USP33: variants seen among roughly 807,000 people sequenced by gnomAD.
USP33 encodes ubiquitin carboxyl-terminal hydrolase 33.
A neutral mutation model predicts 124.2 loss-of-function variants in USP33; 46 were observed. The observed-to-expected ratio is 0.37, with a 90% CI of 0.29 to 0.47. The LOEUF (loss-of-function observed/expected upper bound fraction) is 0.47, where lower values mean the gene tolerates loss of function less well. Among genes scored for constraint, USP33 ranks in the 20% least tolerant of loss-of-function variants. The probability of loss-of-function intolerance (pLI) is 0.99; values close to 1 mark genes in which losing one functional copy is unlikely to be tolerated. For missense variants in USP33, 851 were observed against 1,070.6 expected (o/e 0.79, Z 2.86); for synonymous variants, 350 against 352.3 (o/e 0.99, Z 0.07).
chr1:77,738,394 C>T (rs1678724043), intron 5 of USP33, among the ~76,000 whole-genome samples: 1 of 152,168 alleles, frequency 6.6e-6, no homozygotes, highest in African/African-American at 2.4e-5. Flanking sequence ...TTTTCTATGA[C>T]TTTAAGAATT....
Position 77,708,018 on chromosome 1 carries a change from A to G in USP33, c.2406+3729T>C, listed in dbSNP as rs943110020. ...TGGTGGGACTTTGGGTCTCCCAAAT[A>G]TGGGGAAAGGGCAAATGCAACACAT... On this transcript the variant is annotated intron_variant, in intron 21 of 23. Coordinates refer to ENST00000370794, the MANE Select transcript of USP33 (RefSeq NM_201624.3). Among the ~76,000 whole-genome samples the G allele has an allele frequency of 8.5e-5, 13 of 152,336 alleles. No homozygotes were observed. In the East Asian group the frequency reaches 2.3e-3, roughly 27 times the overall value.
rs572604208 is a variant in USP33 at position 77,749,533 on chromosome 1, C to G, written c.-51-7785G>C. 7.2e-5 allele frequency among the ~76,000 whole-genome samples: 11 copies of G among 152,174 alleles called. No homozygotes were observed. In the South Asian group the frequency reaches 2.3e-3, roughly 32 times the overall value. On this transcript the variant is annotated intron_variant, in intron 1 of 23. Transcript: ENST00000370794. ...AATAGCTGGGACTACAGGCGTGTGC[C>G]ACCACGACTGGCTAATTTTTGTATT...
At chr1:77,697,643 T>A in intron 23 of USP33, 169 bp from the exon 24 acceptor site, 1 of 934,066 alleles carries the variant, frequency 1.1e-6, no homozygotes, top group East Asian at 2.7e-5. Flanking sequence ...ATATGGCTTG[T>A]CTTAAAAAGT....
chr1:77,728,800 T>C, intron 9 of USP33, 88 bp from the exon 10 acceptor site: 3 of 1,396,270 alleles, frequency 2.1e-6, no homozygotes, highest in Non-Finnish European at 2.9e-6. Context: ...CATTACAAAC[T>C]TATATATGAA....
chr1:77,749,112 T>G (rs2101594569), intron 1 of USP33, among the ~76,000 whole-genome samples: 1 of 152,348 alleles, frequency 6.6e-6, no homozygotes, highest in East Asian at 1.9e-4. Flanking sequence ...CAGTATAGCA[T>G]TACATGTATA....
chr1:77,725,823 A>T, intron 10 of USP33, 61 bp from the exon 11 acceptor site: 3 of 1,429,564 alleles, frequency 2.1e-6, no homozygotes, highest in Non-Finnish European at 2.8e-6. Flanking sequence ...ACTGTCCAAT[A>T]ATGTTAAAGG....
chr1:77,736,126 T>A lies in USP33; in HGVS notation c.384A>T (p.Lys128Asn). 1 of 1,613,200 alleles carries A rather than the reference T, an allele frequency of 6.2e-7. No homozygotes were observed. Among genetic ancestry groups the A allele is most frequent in the Non-Finnish European group, 8.5e-7 (1 of 1,179,606 alleles). The change falls in exon 6 of 24, where the codon AAA becomes AAT. Residue 128 changes from lysine to asparagine, a missense_variant. Around this residue, in one of 4 missense-constraint regions of USP33, gnomAD observed 221 missense variants for 302.9 expected, o/e 0.73. Coordinates refer to ENST00000370794, the MANE Select transcript of USP33 (RefSeq NM_201624.3). ...DFKIPSNTTL[K>N]TPLVAVFDDL... ...CATCAAATACGGCAACCAGAGGAGTTTTTAATGTTGTATTACTGGGTATTT... is the reference window on the plus strand; with the variant it reads ...CATCAAATACGGCAACCAGAGGAGTATTTAATGTTGTATTACTGGGTATTT...
chr1:77,722,278 T>A (rs1570780304), intron 12 of USP33, 82 bp from the exon 13 acceptor site: 5 of 1,267,416 alleles, frequency 3.9e-6, no homozygotes, highest in Non-Finnish European at 5.3e-6. Flanking sequence ...ACTCTAAAGA[T>A]CAAAGCATGT....
At chr1:77,723,522 A>C in intron 11 of USP33, 79 bp from the exon 12 acceptor site, 2 of 933,920 alleles carry the variant, frequency 2.1e-6, no homozygotes, top group Non-Finnish European at 3.2e-6. Flanking sequence ...TGTCTTGTCA[A>C]TCTTACTTGT....
At chr1:77,733,765 C>T (rs1389448440) in intron 7 of USP33, among the ~76,000 whole-genome samples, 1 of 152,090 alleles carries the variant, frequency 6.6e-6, no homozygotes, top group African/African-American at 2.4e-5. Flanking sequence ...CTTCTGATTC[C>T]CAGCATTTCA....
At chr1:77,742,320 G>A (rs76315786) in intron 1 of USP33, among the ~76,000 whole-genome samples, 1,883 of 152,086 alleles carry the variant, frequency 0.012, 33 homozygotes, top group African/African-American at 0.04. Context: ...ATAATTCTTC[G>A]CTGTGAGGGA....
chr1:77,714,844 AT>A, intron 18 of USP33, 61 bp from the exon 19 acceptor site: 1 of 1,547,456 alleles, frequency 6.5e-7, no homozygotes, highest in South Asian at 1.2e-5. Context: ...TAGTAGATGG[AT>A]TTTTCTTCTT....
intron 7 of USP33, among the ~76,000 whole-genome samples, chr1:77,732,163 G>A (rs534174657): frequency 4.0e-5 from 6 of 149,924 alleles, no homozygotes; most frequent in East Asian, 2.0e-4. Context: ...TGGTTATATC[G>A]GCAAAGTTAT....
At chr1:77,759,427 T>G (rs1681118366) in intron 1 of USP33, 1 of 394,560 alleles carries the variant, frequency 2.5e-6, no homozygotes, top group African/African-American at 2.1e-5. Flanking sequence ...CCACCGACCG[T>G]TGACAGGGCG....
chr1:77,738,828 T>C (rs1297452079), intron 5 of USP33, among the ~76,000 whole-genome samples: 2 of 152,200 alleles, frequency 1.3e-5, no homozygotes, highest in Non-Finnish European at 2.9e-5. Context: ...AGCTTTATTA[T>C]ATTCTACTTT....
intron 21 of USP33, among the ~76,000 whole-genome samples, chr1:77,708,874 TAA>T (rs1674925822): frequency 1.3e-5 from 2 of 152,062 alleles, no homozygotes; most frequent in Admixed American, 1.3e-4. Flanking sequence ...TTTTAAGATA[TAA>T]AGTCTCGCTA....
chr1:77,722,333 T>G, intron 12 of USP33, 137 bp from the exon 13 acceptor site: 1 of 816,846 alleles, frequency 1.2e-6, no homozygotes, highest in South Asian at 2.0e-5. Flanking sequence ...ACACGCAAAT[T>G]GAACTGCTTT....
chr1:77,708,572 T>C (rs1214794909), intron 21 of USP33, among the ~76,000 whole-genome samples: 1 of 152,214 alleles, frequency 6.6e-6, no homozygotes, highest in Admixed American at 6.5e-5. Context: ...TCCAAGGGCT[T>C]TATGCAGTTT....
chr1:77,741,497 C>T (rs2101554348), intron 2 of USP33, 68 bp from the exon 3 acceptor site: 1 of 1,542,650 alleles, frequency 6.5e-7, no homozygotes, highest in South Asian at 1.2e-5. Context: ...CACTAATGCA[C>T]TAATGACATC....
Sources: gnomAD v4.1 joint callset for allele counts (sites outside exome capture counted in the v4.1 genomes callset) on GRCh38, gnomAD v4.1.1 for gene constraint, gnomAD v4.1.1 regional missense constraint, MANE v1.5 for transcripts, NCBI Gene and HGNC (gene_info 2026-07-23, HGNC 2026-07-21) for gene names.